Variants in SORCS3 observed in about 807,000 individuals in gnomAD.
SORCS3 encodes VPS10 domain-containing receptor SorCS3.
SORCS3 carries 57 observed loss-of-function variants against 146.3 expected under a neutral mutation model. The ratio of observed to expected loss-of-function variants is 0.39; its 90% CI spans 0.31 to 0.49. SORCS3 has a LOEUF of 0.49. Among genes scored for constraint, SORCS3 ranks in the 20% least tolerant of loss-of-function variants. SORCS3 has a pLI of 0.92. For synonymous variants in SORCS3, 653 were observed against 618.5 expected, an observed-to-expected ratio of 1.06 and a Z score of -0.83; for missense variants, 1,341 against 1,575.5, an observed-to-expected ratio of 0.85 and a Z score of 2.52.
At chr10:104,705,688 G>A (rs778036628) in intron 1 of SORCS3, among the ~76,000 whole-genome samples, 5 of 152,196 alleles carry the variant, frequency 3.3e-5, no homozygotes, top group East Asian at 1.9e-4. Flanking sequence ...CAGGTGACCC[G>A]ACTGGTAGGA....
At chr10:105,144,502 G>A (rs1172912691) in intron 8 of SORCS3, among the ~76,000 whole-genome samples, 2 of 152,132 alleles carry the variant, frequency 1.3e-5, no homozygotes, top group Non-Finnish European at 2.9e-5. Context: ...TTTCACCATT[G>A]TTCACCTAGG....
chr10:104,878,086 A>C (rs777001354), intron 2 of SORCS3, among the ~76,000 whole-genome samples: 15 of 152,054 alleles, frequency 9.9e-5, no homozygotes, highest in Non-Finnish European at 1.9e-4. Flanking sequence ...TTGTTTATGA[A>C]ATTCTTTTTT....
intron 1 of SORCS3, among the ~76,000 whole-genome samples, chr10:104,793,771 C>T (rs1471840059): frequency 6.6e-6 from 1 of 152,062 alleles, no homozygotes; most frequent in Non-Finnish European, 1.5e-5. Context: ...TGAAGTATAC[C>T]TGTAGTTCTA....
At chr10:105,192,902 G>T (rs1383721682) in intron 14 of SORCS3, among the ~76,000 whole-genome samples, 2 of 152,100 alleles carry the variant, frequency 1.3e-5, no homozygotes, top group Admixed American at 1.3e-4. Flanking sequence ...GTAACCCAGG[G>T]CTGCTCTCCT....
intron 18 of SORCS3, among the ~76,000 whole-genome samples, chr10:105,215,469 A>G (rs898399265): frequency 2.6e-5 from 4 of 152,178 alleles, no homozygotes; most frequent in Admixed American, 1.3e-4. Context: ...AGCACACTGG[A>G]CAGGGTGGTG....
chr10:104,893,806 C>T (rs536683144), intron 2 of SORCS3, among the ~76,000 whole-genome samples: 2 of 152,322 alleles, frequency 1.3e-5, no homozygotes, highest in African/African-American at 4.8e-5. Context: ...CACTGCCATG[C>T]TTAGTAGTCT....
intron 4 of SORCS3, among the ~76,000 whole-genome samples, chr10:105,036,801 A>G (rs1471423129): frequency 6.6e-6 from 1 of 152,210 alleles, no homozygotes; most frequent in Admixed American, 6.5e-5. Flanking sequence ...CTCCAGGGAA[A>G]GAGAGGCAGA....
At chr10:104,914,163 A>C (rs559513518) in intron 2 of SORCS3, among the ~76,000 whole-genome samples, 1 of 152,324 alleles carries the variant, frequency 6.6e-6, no homozygotes, top group East Asian at 1.9e-4. Flanking sequence ...AGAATGAAAC[A>C]GAGATTTTGC....
At chr10:105,068,557 G>A (rs1019816313) in intron 5 of SORCS3, among the ~76,000 whole-genome samples, 5 of 152,024 alleles carry the variant, frequency 3.3e-5, no homozygotes, top group African/African-American at 9.7e-5. Context: ...CTAAAACACC[G>A]GCTAAATGAG....
intron 1 of SORCS3, among the ~76,000 whole-genome samples, chr10:104,648,790 A>G (rs1256369009): frequency 1.3e-5 from 2 of 152,222 alleles, no homozygotes; most frequent in Non-Finnish European, 2.9e-5. Context: ...TAAATGTTCT[A>G]TAGTAAATTT....
In SORCS3 at chr10:105,060,902, A is replaced by C. The variant is rs1189041710; in HGVS notation, c.1028+17774A>C. Reference sequence around the variant, plus strand: ...TGGTGAGCTGAGATCACGCCATTGCACTCCAGCCTGGCCAACAAGAGTGAA... The same window carrying C: ...TGGTGAGCTGAGATCACGCCATTGCCCTCCAGCCTGGCCAACAAGAGTGAA... On this transcript the variant is annotated intron_variant, in intron 5 of 26. Coordinates refer to ENST00000369701, the MANE Select transcript of SORCS3 (RefSeq NM_014978.3). Among the ~76,000 whole-genome samples the C allele has an allele frequency of 2.0e-5, 3 of 151,836 alleles. No homozygotes were observed. In the East Asian group the frequency reaches 5.8e-4, roughly 29 times the overall value.
rs2056926671 is a variant in SORCS3, at chr10:105,255,598, C to T, written c.3238-104C>T. On this transcript the variant is annotated intron_variant, in intron 23 of 26. Coordinates refer to ENST00000369701, the MANE Select transcript of SORCS3 (RefSeq NM_014978.3). Reference sequence around the variant, plus strand: ...TTTCACTATCTTATCCCTAATTGAACCATGGTGACTTTTTACCTATTGACC... The same window carrying T: ...TTTCACTATCTTATCCCTAATTGAATCATGGTGACTTTTTACCTATTGACC... 7 of 725,148 alleles carry T rather than the reference C, an allele frequency of 9.7e-6. No homozygotes were observed. The South Asian group carries it at 1.3e-4, about 13-fold the overall frequency. The allele number at this position is 725,148 out of a possible 1,614,324, so 44.9% of individuals were successfully genotyped here.
At chr10:105,232,479 C>G (rs1461137044) in intron 20 of SORCS3, among the ~76,000 whole-genome samples, 2 of 151,922 alleles carry the variant, frequency 1.3e-5, no homozygotes, top group Admixed American at 1.3e-4. Context: ...TTGATATTTT[C>G]AAAGAACCAG....
At chr10:105,090,220 CA>C (rs2055692755) in intron 6 of SORCS3, among the ~76,000 whole-genome samples, 1 of 152,004 alleles carries the variant, frequency 6.6e-6, no homozygotes, top group Non-Finnish European at 1.5e-5. Context: ...GCAACCTTAC[CA>C]AAAAATGTAA....
chr10:104,653,249 T>C (rs1042881583), intron 1 of SORCS3, among the ~76,000 whole-genome samples: 1 of 152,210 alleles, frequency 6.6e-6, no homozygotes, highest in African/African-American at 2.4e-5. Context: ...CGTGTGTTTC[T>C]ACTTGTTTTA....
chr10:105,245,503 C>T, intron 20 of SORCS3, 39 bp from the exon 21 acceptor site: 1 of 1,605,222 alleles, frequency 6.2e-7, no homozygotes, highest in Non-Finnish European at 8.5e-7. Context: ...GTTGATATCC[C>T]ACACAAGACT....
At chr10:104,974,351 A>G (rs973543273) in intron 3 of SORCS3, among the ~76,000 whole-genome samples, 4 of 152,142 alleles carry the variant, frequency 2.6e-5, no homozygotes, top group Admixed American at 2.0e-4. Context: ...TAGGTCACTC[A>G]GGACTTGCTT....
intron 2 of SORCS3, among the ~76,000 whole-genome samples, chr10:104,889,139 TA>T (rs1355354913): frequency 2.0e-5 from 3 of 152,076 alleles, no homozygotes; most frequent in African/African-American, 4.8e-5. Flanking sequence ...TATTGGTATA[TA>T]TTTTTTTACC....
intron 1 of SORCS3, among the ~76,000 whole-genome samples, chr10:104,687,855 A>G (rs989980082): frequency 6.6e-6 from 1 of 152,138 alleles, no homozygotes; most frequent in African/African-American, 2.4e-5. Flanking sequence ...GGGGGACAAT[A>G]ATAGTACTGA....
Sources: gnomAD v4.1 joint callset for allele counts (sites outside exome capture counted in the v4.1 genomes callset) on GRCh38, gnomAD v4.1.1 for gene constraint, MANE v1.5 for transcripts, NCBI Gene and HGNC (gene_info 2026-07-23, HGNC 2026-07-21) for gene names.